The following BTBD10 variants were observed in gnomAD, a reference collection of about 807,000 sequenced individuals.
BTBD10 encodes the protein BTB domain containing 10, also known as BTB/POZ domain-containing protein 10.
In BTBD10, 21 loss-of-function variants were observed where a neutral mutation model predicts 53.2. The ratio of observed to expected loss-of-function variants is 0.39; its 90% CI spans 0.28 to 0.57. BTBD10 has a LOEUF of 0.57. BTBD10 is among the 20% of genes least tolerant of loss of function. BTBD10 has a pLI of 0.53. For synonymous variants in BTBD10, 149 were observed against 192.7 expected (o/e 0.77, Z 1.88); for missense variants, 360 against 594.7 (o/e 0.61, Z 4.10).
Position 13,421,626 on chromosome 11 carries a change from A to G in BTBD10, c.298+16T>C. 1 of 1,599,612 alleles carries G rather than the reference A, an allele frequency of 6.3e-7. No homozygotes were observed. The highest frequency in any genetic ancestry group is 1.1e-5 in the South Asian group (1 of 89,996). Reference sequence around the variant, plus strand: ...GTTTTTAAGAACTGTTAGGAAGGTTAGTTGATTTTACATACCAACATGGTG... The same window carrying G: ...GTTTTTAAGAACTGTTAGGAAGGTTGGTTGATTTTACATACCAACATGGTG... On this transcript the variant is annotated intron_variant, in intron 3 of 8. Coordinates refer to ENST00000278174, the MANE Select transcript of BTBD10 (RefSeq NM_032320.7).
chr11:13,459,069 T>TA (rs1412327140), intron 1 of BTBD10, among the ~76,000 whole-genome samples: 1 of 149,732 alleles, frequency 6.7e-6, no homozygotes, highest in Non-Finnish European at 1.5e-5. Flanking sequence ...TTTTTTTTTT[T>TA]TTTTTGAGAC....
chr11:13,442,750 C>A (rs1591162482), intron 2 of BTBD10, among the ~76,000 whole-genome samples: 1 of 152,166 alleles, frequency 6.6e-6, no homozygotes, highest in African/African-American at 2.4e-5. Context: ...ACTTTTGAAT[C>A]TCTCCTGAAC....
intron 1 of BTBD10, 65 bp from the exon 2 acceptor site, chr11:13,445,246 G>C (rs1950731779): frequency 1.8e-6 from 1 of 570,026 alleles, no homozygotes; most frequent in Non-Finnish European, 3.1e-6. Flanking sequence ...TCATAGAATT[G>C]TACAGACTTG....
intron 6 of BTBD10, among the ~76,000 whole-genome samples, chr11:13,411,700 A>C (rs779023776): frequency 1.1e-4 from 17 of 152,210 alleles, no homozygotes; most frequent in Non-Finnish European, 1.9e-4. Context: ...TCTGTAAAAA[A>C]TTCTAGTTTT....
At chr11:13,399,460 CAA>C (rs1202226112) in intron 8 of BTBD10, among the ~76,000 whole-genome samples, 1 of 151,996 alleles carries the variant, frequency 6.6e-6, no homozygotes, top group Non-Finnish European at 1.5e-5. Context: ...AATTTTTTTT[CAA>C]AGTTTTTAAC....
At chr11:13,428,520 A>G (rs547907043) in intron 2 of BTBD10, among the ~76,000 whole-genome samples, 1 of 152,254 alleles carries the variant, frequency 6.6e-6, no homozygotes, top group East Asian at 1.9e-4. Context: ...TAAACAACTC[A>G]CAGAGCAATA....
chr11:13,391,200 C>T (rs1949397560), intron 8 of BTBD10, among the ~76,000 whole-genome samples: 1 of 152,176 alleles, frequency 6.6e-6, no homozygotes, highest in South Asian at 2.1e-4. Context: ...TACTTACTGT[C>T]ATCTACTATC....
chr11:13,396,583 T>C (rs1316920449), intron 8 of BTBD10, among the ~76,000 whole-genome samples: 3 of 152,194 alleles, frequency 2.0e-5, no homozygotes, highest in Non-Finnish European at 4.4e-5. Context: ...CTATGGTGAA[T>C]AGTTGTGGTG....
intron 8 of BTBD10, among the ~76,000 whole-genome samples, chr11:13,389,559 C>T (rs1022197892): frequency 3.3e-5 from 5 of 152,150 alleles, no homozygotes; most frequent in Admixed American, 6.5e-5. Context: ...TCCAGAGTAG[C>T]GCGGATTACA....
intron 7 of BTBD10, chr11:13,404,619 A>G: frequency 4.1e-6 from 4 of 984,466 alleles, no homozygotes; most frequent in Non-Finnish European, 4.8e-6. Flanking sequence ...TTTATTCCAC[A>G]TATTATAGAA....
chr11:13,396,852 T>C (rs1949564859), intron 8 of BTBD10, among the ~76,000 whole-genome samples: 1 of 152,260 alleles, frequency 6.6e-6, no homozygotes, highest in Non-Finnish European at 1.5e-5. Context: ...TTTATTGATT[T>C]TTGCATGTGG....
At chr11:13,399,689 T>G (rs1196719478) in intron 8 of BTBD10, among the ~76,000 whole-genome samples, 2 of 152,208 alleles carry the variant, frequency 1.3e-5, no homozygotes, top group Non-Finnish European at 2.9e-5. Flanking sequence ...TATCTACCTT[T>G]GGTCTTTGAT....
At chr11:13,393,007 G>C (rs894116373) in intron 8 of BTBD10, among the ~76,000 whole-genome samples, 2 of 152,192 alleles carry the variant, frequency 1.3e-5, no homozygotes, top group African/African-American at 4.8e-5. Context: ...AGGAGGTTGA[G>C]AGATGTTGTT....
chr11:13,403,885 T>G (rs1430080529), intron 7 of BTBD10, among the ~76,000 whole-genome samples: 1 of 152,210 alleles, frequency 6.6e-6, no homozygotes. Context: ...CAAACTGGCT[T>G]TGCAAAGGAC....
chr11:13,427,865 C>A (rs1274559512), intron 2 of BTBD10, among the ~76,000 whole-genome samples: 1 of 152,018 alleles, frequency 6.6e-6, no homozygotes, highest in African/African-American at 2.4e-5. Flanking sequence ...AATATCTTTA[C>A]CTAAACAACT....
intron 8 of BTBD10, among the ~76,000 whole-genome samples, chr11:13,401,786 C>A (rs1428910880): frequency 6.6e-6 from 1 of 152,180 alleles, no homozygotes; most frequent in Non-Finnish European, 1.5e-5. Context: ...TACTCCTTAT[C>A]ATGGCCTATA....
intron 8 of BTBD10, among the ~76,000 whole-genome samples, chr11:13,392,381 A>G (rs1949432052): frequency 6.6e-6 from 1 of 152,214 alleles, no homozygotes; most frequent in Non-Finnish European, 1.5e-5. Context: ...CTAGAGAGGC[A>G]GGAACACAGA....
intron 2 of BTBD10, among the ~76,000 whole-genome samples, chr11:13,436,186 A>G (rs1392357371): frequency 6.6e-6 from 1 of 152,232 alleles, no homozygotes; most frequent in African/African-American, 2.4e-5. Context: ...TAAAAGTTTC[A>G]TTCTAGCCTT....
At chr11:13,410,277 T>A (rs778258921) in intron 6 of BTBD10, among the ~76,000 whole-genome samples, 53 of 152,044 alleles carry the variant, frequency 3.5e-4, no homozygotes, top group Non-Finnish European at 7.2e-4. Flanking sequence ...GCAGATTCTG[T>A]GAGAGAGAAA....
Sources: gnomAD v4.1 joint callset for allele counts (sites outside exome capture counted in the v4.1 genomes callset) on GRCh38, gnomAD v4.1.1 for gene constraint, MANE v1.5 for transcripts, NCBI Gene and HGNC (gene_info 2026-07-23, HGNC 2026-07-21) for gene names.